The following PRSS23 variants were observed in gnomAD, a reference collection of about 807,000 sequenced individuals.
PRSS23 encodes serine protease 23, also known as protease, serine 23.
In PRSS23, 25 loss-of-function variants were observed where a neutral mutation model predicts 34.7. The observed-to-expected ratio is 0.72, with a 90% confidence interval of 0.53 to 1.01. The LOEUF is 1.01. Ranked by LOEUF, PRSS23 falls within the 50% of genes least tolerant of loss-of-function variation. The probability of loss-of-function intolerance (pLI) is 0.00; values close to 1 mark genes in which losing one functional copy is unlikely to be tolerated. For synonymous variants in PRSS23, 176 were observed against 186.6 expected (o/e 0.94, Z 0.46); for missense variants, 445 against 475.6 (o/e 0.94, Z 0.60).
chr11:86,803,351 C>T (rs1353649197), intron 1 of PRSS23, among the ~76,000 whole-genome samples: 2 of 152,124 alleles, frequency 1.3e-5, no homozygotes, highest in African/African-American at 2.4e-5. Flanking sequence ...GTTACCTTTC[C>T]AGGTGTGGGA....
intron 2 of PRSS23, among the ~76,000 whole-genome samples, chr11:86,844,861 A>G (rs552878681): frequency 6.6e-6 from 1 of 152,334 alleles, no homozygotes; most frequent in East Asian, 1.9e-4. Flanking sequence ...AGGCCGAGGC[A>G]GGCAGATCAC....
chr11:86,797,968 G>A (rs78337308), upstream of PRSS23, among the ~76,000 whole-genome samples: 1,973 of 152,270 alleles, frequency 0.013, 51 homozygotes, highest in African/African-American at 0.045. Flanking sequence ...TAATTATGTT[G>A]CTGTATGGTC....
chr11:86,800,954 C>T (rs1364118393), intron 1 of PRSS23, among the ~76,000 whole-genome samples: 1 of 152,064 alleles, frequency 6.6e-6, no homozygotes, highest in African/African-American at 2.4e-5. Context: ...CAGAGAGAGC[C>T]GGCTCTCGGC....
intron 2 of PRSS23, among the ~76,000 whole-genome samples, chr11:86,904,876 A>T (rs1489922641): frequency 1.3e-5 from 2 of 150,624 alleles, no homozygotes; most frequent in African/African-American, 4.9e-5. Flanking sequence ...ATTGAGATCC[A>T]TTTCCACCAA....
At chr11:86,949,589 G>A (rs1949272697) in intron 2 of PRSS23, 1 of 152,626 alleles carries the variant, frequency 6.6e-6, no homozygotes, top group African/African-American at 2.4e-5. Context: ...CAAGGTAAGA[G>A]AAAGGCCAGT....
At chr11:86,892,824 A>G (rs767639562) in intron 2 of PRSS23, among the ~76,000 whole-genome samples, 5 of 152,164 alleles carry the variant, frequency 3.3e-5, no homozygotes, top group Non-Finnish European at 7.4e-5. Context: ...TTCTAGTCCT[A>G]TGTTTGAAAG....
chr11:86,897,931 G>A (rs1948887501), intron 2 of PRSS23, among the ~76,000 whole-genome samples: 1 of 152,174 alleles, frequency 6.6e-6, no homozygotes, highest in Non-Finnish European at 1.5e-5. Context: ...ACATGAAAGA[G>A]GCAAATTCCT....
rs1948118875 is a variant in PRSS23, at chr11:86,807,738, G to GGCCTGCATACC, written c.100_110dup (p.Pro38HisfsTer15). 1 of 1,614,072 alleles carries GGCCTGCATACC rather than the reference G, an allele frequency of 6.2e-7. No individual in the cohort carries two copies. Among genetic ancestry groups the GGCCTGCATACC allele is most frequent in the Non-Finnish European group, 8.5e-7 (1 of 1,180,020 alleles). ...TACAGTGCCCCCTGGAAACCCACTT[G>GGCCTGCATACC]GCCTGCATACCGCCTCCCTGTCGTC... On this transcript the variant is annotated frameshift_variant, in exon 2 of 2. Transcript: ENST00000280258. LOFTEE classifies it high-confidence loss of function.
chr11:86,879,256 G>C (rs1462256188), intron 2 of PRSS23, among the ~76,000 whole-genome samples: 53 of 149,842 alleles, frequency 3.5e-4, no homozygotes, highest in Non-Finnish European at 6.7e-4. Context: ...GATGTGAGGA[G>C]CGCCTCTACC....
exon 3 of PRSS23, chr11:86,952,511 G>A (rs758630124): frequency 3.1e-6 from 5 of 1,602,048 alleles, no homozygotes; most frequent in South Asian, 1.1e-5. Flanking sequence ...AAAAAACAAT[G>A]ACTTGGAAGT....
chr11:86,819,683 GT>G (rs1266970727), intron 1 of PRSS23, among the ~76,000 whole-genome samples: 8 of 152,112 alleles, frequency 5.3e-5, no homozygotes, highest in African/African-American at 1.9e-4. Context: ...GTATACTACT[GT>G]TCCCCACACT....
rs750040956 is a variant in PRSS23 at position 86,951,893 on chromosome 11, G to A, written c.*608G>A. ...TCCTTCTTGGATGAGAACAGGTTCT[G>A]CTGCCTCTTCAAAATCACAGGATAT... On this transcript the variant is annotated 3_prime_UTR_variant, in exon 3 of 3. Transcript: ENST00000533902. 11 of 1,613,510 alleles carry A rather than the reference G, an allele frequency of 6.8e-6. No individual in the cohort carries two copies. Among genetic ancestry groups the A allele is most frequent in the Non-Finnish European group, 9.3e-6 (11 of 1,179,974 alleles).
At chr11:86,829,648 A>T (rs1306503739) in intron 2 of PRSS23, among the ~76,000 whole-genome samples, 1 of 151,956 alleles carries the variant, frequency 6.6e-6, no homozygotes, top group Admixed American at 6.6e-5. Context: ...GATGATGGTG[A>T]TGTACAGATG....
At chr11:86,799,813 T>A (rs1489066955), upstream of PRSS23, among the ~76,000 whole-genome samples, 5 of 151,932 alleles carry the variant, frequency 3.3e-5, no homozygotes, top group African/African-American at 2.4e-5. Flanking sequence ...CTGAGGCCAG[T>A]GGGCTCCCCA....
At position 86,877,140 on chromosome 11, in the gene PRSS23, C is replaced by T. The variant is rs116004100; in HGVS notation, c.206+53547C>T. Among the ~76,000 whole-genome samples, 322 of 152,238 alleles carry T rather than the reference C, an allele frequency of 2.1e-3. 1 individual carries two copies. The highest frequency in any genetic ancestry group is 7.4e-3 in the African/African-American group (309 of 41,542). ...TAGCCCTCACAGTGCCTCATTCAGCCCTCTATTATGGCTTTATCCATTGTA... is the reference window on the plus strand; with the variant it reads ...TAGCCCTCACAGTGCCTCATTCAGCTCTCTATTATGGCTTTATCCATTGTA... On this transcript the variant is annotated intron_variant, in intron 2 of 2. Transcript: ENST00000533902.
At chr11:86,918,788 T>C (rs765487131) in intron 2 of PRSS23, among the ~76,000 whole-genome samples, 56 of 152,266 alleles carry the variant, frequency 3.7e-4, no homozygotes, top group Non-Finnish European at 7.9e-4. Flanking sequence ...AGATGTCTTT[T>C]ATTTTCTTCA....
intron 1 of PRSS23, 30 bp from the exon 2 acceptor site, chr11:86,807,601 C>G (rs980166815): frequency 6.5e-7 from 1 of 1,547,606 alleles, no homozygotes; most frequent in Admixed American, 1.9e-5. Flanking sequence ...AGCCCTTGCC[C>G]TCCTGACCTG....
chr11:86,807,586 C>T (rs1948116212), intron 1 of PRSS23, 45 bp from the exon 2 acceptor site: 20 of 1,482,928 alleles, frequency 1.3e-5, no homozygotes, highest in South Asian at 1.3e-4. Flanking sequence ...AGTAAATGAA[C>T]GTTCAGCCCT....
At chr11:86,834,314 G>A (rs779353685) in intron 2 of PRSS23, among the ~76,000 whole-genome samples, 1 of 152,088 alleles carries the variant, frequency 6.6e-6, no homozygotes, top group Non-Finnish European at 1.5e-5. Context: ...TCCTTCTTCG[G>A]TGGCTAGTCA....
Sources: allele counts gnomAD v4.1 joint callset (sites outside exome capture counted in the v4.1 genomes callset), GRCh38; gene constraint gnomAD v4.1.1; transcripts MANE v1.5; gene names NCBI Gene and HGNC (gene_info 2026-07-23, HGNC 2026-07-21).